MAPK10: variants seen among roughly 807,000 people sequenced by gnomAD.
MAPK10 encodes the protein JNK3 alpha protein kinase.
A neutral mutation model predicts 59.3 loss-of-function variants in MAPK10; 25 were observed. The ratio of observed to expected loss-of-function variants is 0.42; its 90% CI spans 0.31 to 0.59. The LOEUF (loss-of-function observed/expected upper bound fraction) is 0.59, where lower values mean the gene tolerates loss of function less well. Ranked by LOEUF, MAPK10 falls within the 20% of genes least tolerant of loss-of-function variation. The probability of loss-of-function intolerance (pLI) is 0.15; values close to 1 mark genes in which losing one functional copy is unlikely to be tolerated. For missense variants in MAPK10, 351 were observed against 568.9 expected, an observed-to-expected ratio of 0.62 and a Z score of 3.90; for synonymous variants, 190 against 200.5, an observed-to-expected ratio of 0.95 and a Z score of 0.44.
At chr4:86,442,247 G>T (rs1036951503) in intron 1 of MAPK10, among the ~76,000 whole-genome samples, 14 of 152,056 alleles carry the variant, frequency 9.2e-5, no homozygotes, top group Admixed American at 9.2e-4. Context: ...ATTTTTCAAA[G>T]TCTTTCAAAT....
chr4:86,054,396 G>A (rs1174759820), intron 11 of MAPK10, among the ~76,000 whole-genome samples: 2 of 152,070 alleles, frequency 1.3e-5, no homozygotes, highest in East Asian at 3.8e-4. Context: ...CAATTCAAAC[G>A]ATAGCTTCAC....
intron 12 of MAPK10, among the ~76,000 whole-genome samples, chr4:86,030,341 T>G (rs1425187520): frequency 6.6e-6 from 1 of 152,078 alleles, no homozygotes; most frequent in Non-Finnish European, 1.5e-5. Context: ...TACATATATA[T>G]ATAGAGAGAG....
At chr4:86,161,408 T>C (rs537320490) in intron 3 of MAPK10, among the ~76,000 whole-genome samples, 3 of 151,966 alleles carry the variant, frequency 2.0e-5, no homozygotes, top group Non-Finnish European at 4.4e-5. Context: ...CTTTAAACAA[T>C]CCTTGATTTC....
intron 8 of MAPK10, chr4:86,099,836 C>T (rs1267965215): frequency 6.6e-6 from 1 of 152,132 alleles, no homozygotes; most frequent in East Asian, 1.9e-4. Context: ...AAAATGTCTT[C>T]TTTTCTGAAT....
chr4:86,406,030 T>A (rs1380796734), intron 1 of MAPK10, among the ~76,000 whole-genome samples: 2 of 152,148 alleles, frequency 1.3e-5, no homozygotes, highest in East Asian at 3.9e-4. Flanking sequence ...TGTAAATGAT[T>A]AATATAAGAC....
rs548232054 is a variant in MAPK10 at position 86,580,722 on chromosome 4, G to T, written c.-263+13188C>A. On this transcript the variant is annotated intron_variant, in intron 1 of 4. Transcript: ENST00000502302. ...AGCAAGATTTTAATGGGAGCTAAGGGGCTTGAGATTGTATAAATAAACCCT... is the reference window on the plus strand; with the variant it reads ...AGCAAGATTTTAATGGGAGCTAAGGTGCTTGAGATTGTATAAATAAACCCT... Among the ~76,000 whole-genome samples the T allele has an allele frequency of 9.9e-5, 15 of 152,202 alleles. No individual in the cohort carries two copies. In the East Asian group the frequency reaches 2.9e-3, roughly 29 times the overall value.
intron 2 of MAPK10, among the ~76,000 whole-genome samples, chr4:86,288,260 G>A (rs1041295967): frequency 5.3e-5 from 8 of 151,268 alleles, no homozygotes; most frequent in Non-Finnish European, 8.8e-5. Flanking sequence ...TGCCATGCTG[G>A]TGTGCTGCAC....
intron 3 of MAPK10, among the ~76,000 whole-genome samples, chr4:86,169,487 A>C (rs2073265130): frequency 1.3e-5 from 2 of 152,330 alleles, no homozygotes; most frequent in South Asian, 4.1e-4. Context: ...AAATGAATGA[A>C]ATGAAGCAAG....
intron 1 of MAPK10, among the ~76,000 whole-genome samples, chr4:86,461,436 C>T (rs550894051): frequency 7.9e-5 from 12 of 152,224 alleles, no homozygotes; most frequent in Non-Finnish European, 1.2e-4. Flanking sequence ...GAATCAAGGC[C>T]GGGTGTGGTG....
chr4:86,179,654 T>C (rs1480521580), intron 3 of MAPK10, among the ~76,000 whole-genome samples: 1 of 152,028 alleles, frequency 6.6e-6, no homozygotes, highest in Non-Finnish European at 1.5e-5. Flanking sequence ...AACAGACACA[T>C]AGGCCAACAG....
chr4:86,372,563 A>AGAAAGAAAGAAAGAAAGAAAG (rs1738987915), intron 1 of MAPK10, among the ~76,000 whole-genome samples: 3 of 8,734 alleles, frequency 3.4e-4, no homozygotes, highest in Non-Finnish European at 4.3e-4. Flanking sequence ...AAAGAAAGAA[A>AGAAAGAAAGAAAGAAAGAAAG]GAAAGAAAAG....
chr4:86,098,710 C>T, intron 8 of MAPK10, 115 bp from the exon 9 acceptor site: 4 of 879,052 alleles, frequency 4.6e-6, no homozygotes, highest in Non-Finnish European at 7.3e-6. Context: ...ACAATTTTCA[C>T]CTCCCACCAA....
chr4:86,307,194 T>C (rs933194524), intron 2 of MAPK10, among the ~76,000 whole-genome samples: 6 of 152,118 alleles, frequency 3.9e-5, no homozygotes, highest in African/African-American at 1.4e-4. Context: ...ACTTAGAAAA[T>C]AAATATGTCT....
At chr4:86,160,676 TGTGA>T (rs1222802315) in intron 3 of MAPK10, among the ~76,000 whole-genome samples, 5 of 124,268 alleles carry the variant, frequency 4.0e-5, no homozygotes, top group Non-Finnish European at 7.2e-5. Context: ...CCTCACAACT[TGTGA>T]GTGTCCTGCC....
chr4:86,348,215 A>G (rs1051637394), intron 2 of MAPK10, among the ~76,000 whole-genome samples: 6 of 152,160 alleles, frequency 3.9e-5, no homozygotes, highest in African/African-American at 1.2e-4. Flanking sequence ...CTTTAACACT[A>G]CAAAGAAGAC....
At chr4:86,345,481 TAA>T (rs922243882) in intron 2 of MAPK10, among the ~76,000 whole-genome samples, 2 of 152,184 alleles carry the variant, frequency 1.3e-5, no homozygotes, top group Admixed American at 1.3e-4. Flanking sequence ...AGAAATCTTT[TAA>T]AATTCACCTT....
intron 3 of MAPK10, chr4:86,164,648 TCTCAA>T (rs1208714385): frequency 1.3e-5 from 2 of 152,152 alleles, no homozygotes; most frequent in African/African-American, 2.4e-5. Flanking sequence ...TGATATTAAC[TCTCAA>T]CTCAATAACA....
At chr4:86,528,114 T>C (rs1329283041) in intron 1 of MAPK10, among the ~76,000 whole-genome samples, 1 of 152,194 alleles carries the variant, frequency 6.6e-6, no homozygotes, top group East Asian at 1.9e-4. Flanking sequence ...AATATGCTCA[T>C]GTAACAAACC....
chr4:86,542,660 G>A (rs4529013), intron 1 of MAPK10: 48,558 of 154,106 alleles, frequency 0.32, 7,907 homozygotes, highest in Admixed American at 0.36. Context: ...CCTGTCAACC[G>A]TACCCTAGCT....
Sources: allele counts gnomAD v4.1 joint callset (sites outside exome capture counted in the v4.1 genomes callset), GRCh38; gene constraint gnomAD v4.1.1; transcripts MANE v1.5; gene names NCBI Gene and HGNC (gene_info 2026-07-23, HGNC 2026-07-21).